CDH6: variants seen among roughly 807,000 people sequenced by gnomAD.
CDH6 encodes the protein cadherin-6.
A neutral mutation model predicts 78.0 loss-of-function variants in CDH6; 31 were observed. That is an observed-to-expected ratio of 0.40 (90% CI 0.30 to 0.54). The LOEUF (loss-of-function observed/expected upper bound fraction) is 0.54. Ranked by LOEUF, CDH6 falls within the 20% of genes least tolerant of loss-of-function variation. The pLI, the probability that CDH6 is intolerant of heterozygous loss-of-function variation, is 0.56. For synonymous variants in CDH6, 376 were observed against 368.8 expected (o/e 1.02, Z -0.23); for missense variants, 724 against 975.9 (o/e 0.74, Z 3.44).
chr5:31,225,393 A>C (rs1561031009), intron 1 of CDH6, among the ~76,000 whole-genome samples: 1 of 152,210 alleles, frequency 6.6e-6, no homozygotes, highest in Non-Finnish European at 1.5e-5. Flanking sequence ...CATTCTAGAC[A>C]TACACTGTCT....
chr5:31,306,067 G>T (rs1737983072), intron 7 of CDH6, among the ~76,000 whole-genome samples: 1 of 152,164 alleles, frequency 6.6e-6, no homozygotes, highest in Admixed American at 6.6e-5. Context: ...TTAAGTGTAA[G>T]ATTTGTCAAA....
chr5:31,217,960 G>T (rs1462424760), intron 1 of CDH6, among the ~76,000 whole-genome samples: 1 of 152,096 alleles, frequency 6.6e-6, no homozygotes, highest in African/African-American at 2.4e-5. Context: ...TACAGATGAA[G>T]CTAAAATTCG....
intron 7 of CDH6, among the ~76,000 whole-genome samples, chr5:31,306,862 T>C (rs1413211827): frequency 6.6e-6 from 1 of 151,898 alleles, no homozygotes. Flanking sequence ...GCACCTGGAG[T>C]ACTATTTTAG....
intron 5 of CDH6, among the ~76,000 whole-genome samples, chr5:31,301,853 C>T (rs1737773250): frequency 6.6e-6 from 1 of 152,164 alleles, no homozygotes; most frequent in African/African-American, 2.4e-5. Flanking sequence ...ACAATCACAC[C>T]ATAAACTTTG....
Position 31,326,091 on chromosome 5 carries a change from T to G in CDH6, c.*2783T>G, listed in dbSNP as rs1006544814. On this transcript the variant is annotated 3_prime_UTR_variant, in exon 12 of 12. Transcript: ENST00000265071. ...GAGAAAAAAATAATTTTCAGCCCAG[T>G]TTTTTCATTGTCTGTTTCCTAATTT... 13 of 131,570 alleles carry G rather than the reference T, an allele frequency of 9.9e-5. No individual in the cohort carries two copies. Among genetic ancestry groups the G allele is most frequent in the Non-Finnish European group, 1.7e-4 (11 of 63,850 alleles). The allele number at this position is 131,570 out of a possible 1,614,324, so 8.2% of individuals were successfully genotyped here.
At chr5:31,258,183 C>T (rs1742107115) in intron 1 of CDH6, among the ~76,000 whole-genome samples, 1 of 152,186 alleles carries the variant, frequency 6.6e-6, no homozygotes, top group South Asian at 2.1e-4. Flanking sequence ...AAGACACATG[C>T]ACACATATGT....
Position 31,267,751 on chromosome 5 carries a change from G to C in CDH6, c.228+50G>C, listed in dbSNP as rs141721011. 4.0e-4 allele frequency: 540 copies of C among 1,347,106 alleles called. 5 individuals are homozygous for C. The East Asian group carries it at 0.012, about 30-fold the overall frequency. The allele number at this position is 1,347,106 out of a possible 1,614,324, so 83.4% of individuals were successfully genotyped here. ...CATTCTGGGTTTAAAGCCTGAAGAA[G>C]TTACTTCTAATAAATAGATGGGGAG... On this transcript the variant is annotated intron_variant, in intron 2 of 11. Coordinates refer to ENST00000265071, the MANE Select transcript of CDH6 (RefSeq NM_004932.4).
chr5:31,305,106 C>G (rs190889144), intron 6 of CDH6, 68 bp from the exon 7 acceptor site: 1 of 1,495,992 alleles, frequency 6.7e-7, no homozygotes, highest in East Asian at 2.3e-5. Flanking sequence ...AAAAATGTTT[C>G]GTGTCTTGGC....
intron 1 of CDH6, among the ~76,000 whole-genome samples, chr5:31,213,855 TC>T (rs67757184): frequency 0.91 from 138,330 of 152,062 alleles, 63,130 homozygotes; most frequent in East Asian, 1. Context: ...TGACATAACA[TC>T]CCCCCTCCTG....
chr5:31,256,540 C>A (rs1742059788), intron 1 of CDH6, among the ~76,000 whole-genome samples: 1 of 152,144 alleles, frequency 6.6e-6, no homozygotes, highest in Non-Finnish European at 1.5e-5. Context: ...CCTTCGTGGC[C>A]CTTACACTAA....
At chr5:31,307,855 A>G (rs772340361) in intron 7 of CDH6, among the ~76,000 whole-genome samples, 1 of 152,164 alleles carries the variant, frequency 6.6e-6, no homozygotes, top group Admixed American at 6.5e-5. Context: ...TACCATTTTT[A>G]CCCACTGCAT....
In CDH6 at chr5:31,305,261, C is replaced by A. The variant is rs572276397; in HGVS notation, c.1087C>A (p.Pro363Thr). 2 of 1,614,068 alleles carry A rather than the reference C, an allele frequency of 1.2e-6. No homozygotes were observed. The highest frequency in any genetic ancestry group is 1.1e-5 in the South Asian group (1 of 91,084). The change falls in exon 7 of 12, where the codon CCT becomes ACT. Residue 363 changes from proline to threonine, a missense_variant. This residue lies in a region of CDH6 where 446 missense variants were observed against 684.5 expected (regional missense o/e 0.65). Coordinates refer to ENST00000265071, the MANE Select transcript of CDH6 (RefSeq NM_004932.4). ...YVEPRFLYLGPFKDSATVRIV... is the reference protein window; with the variant it reads ...YVEPRFLYLGTFKDSATVRIV... The stretch of plus-strand genomic sequence containing the variant: ...TGAGCCACGATTTCTCTACTTGGGG[C>A]CTTTCAAAGATTCAGCCACGGTTAG...
Position 31,265,909 on chromosome 5 carries a change from G to T in CDH6, c.-128-1437G>T, listed in dbSNP as rs954522133. Among the ~76,000 whole-genome samples the T allele has an allele frequency of 1.5e-3, 226 of 151,212 alleles. 1 individual carries two copies. The highest frequency in any genetic ancestry group is 0.01 in the Middle Eastern group (3 of 294). ...CCTGCCTCAGCCTCCCAAGTAGCTG[G>T]GACTACAGGTGCCCGCCACCACGCC... On this transcript the variant is annotated intron_variant, in intron 1 of 11. Transcript: ENST00000265071.
At chr5:31,304,177 C>T (rs1483944683) in intron 6 of CDH6, among the ~76,000 whole-genome samples, 2 of 146,432 alleles carry the variant, frequency 1.4e-5, no homozygotes, top group Non-Finnish European at 3.0e-5. Context: ...CAAAAAACAA[C>T]AACAACAAAA....
intron 1 of CDH6, among the ~76,000 whole-genome samples, chr5:31,248,543 G>C (rs1291847185): frequency 6.6e-6 from 1 of 152,102 alleles, no homozygotes; most frequent in Non-Finnish European, 1.5e-5. Flanking sequence ...ACTTGTTTTA[G>C]ACTCTAATTA....
Position 31,242,708 on chromosome 5 carries a change from G to GGA in CDH6, c.-128-24637_-128-24636insAG, listed in dbSNP as rs1554005345. Among the ~76,000 whole-genome samples, 4 of 150,438 alleles carry GGA rather than the reference G, an allele frequency of 2.7e-5. No homozygotes were observed. In the East Asian group the frequency reaches 7.9e-4, roughly 30 times the overall value. ...TTCTCTACAGAATAAGAATGGGGGG[G>GGA]GGCGGTTAGAAGAAAATATATACCA... On this transcript the variant is annotated intron_variant, in intron 1 of 11. Coordinates refer to ENST00000265071, the MANE Select transcript of CDH6 (RefSeq NM_004932.4).
At position 31,325,784 on chromosome 5, in the gene CDH6, C is replaced by G. The variant is rs918438480; in HGVS notation, c.*2476C>G. 8.7e-6 allele frequency: 2 copies of G among 231,014 alleles called. No homozygotes were observed. The highest frequency in any genetic ancestry group is 5.7e-5 in the Admixed American group (1 of 17,692). The allele number at this position is 231,014 out of a possible 1,614,324, so 14.3% of individuals were successfully genotyped here. On this transcript the variant is annotated 3_prime_UTR_variant, in exon 12 of 12. Coordinates refer to ENST00000265071, the MANE Select transcript of CDH6 (RefSeq NM_004932.4). Reference sequence around the variant, plus strand: ...TTACTTATGGAAATAACTTTAATCTCTTATCATAAAAGCTGATGATGAAGT... The same window carrying G: ...TTACTTATGGAAATAACTTTAATCTGTTATCATAAAAGCTGATGATGAAGT...
chr5:31,235,948 T>C (rs1296943768), intron 1 of CDH6, among the ~76,000 whole-genome samples: 1 of 152,240 alleles, frequency 6.6e-6, no homozygotes, highest in Non-Finnish European at 1.5e-5. Context: ...TATTAATTTA[T>C]GCCCATTGTT....
chr5:31,214,920 T>A (rs867782708), intron 1 of CDH6, among the ~76,000 whole-genome samples: 3 of 152,240 alleles, frequency 2.0e-5, no homozygotes, highest in Admixed American at 2.0e-4. Context: ...ACTGTTTTTT[T>A]ATCTAGTTTC....
Sources: gnomAD v4.1 joint callset for allele counts (sites outside exome capture counted in the v4.1 genomes callset) on GRCh38, gnomAD v4.1.1 for gene constraint, gnomAD v4.1.1 regional missense constraint, MANE v1.5 for transcripts, NCBI Gene and HGNC (gene_info 2026-07-23, HGNC 2026-07-21) for gene names.